Variants in PTPN22 observed in about 807,000 individuals in gnomAD.
PTPN22 encodes protein tyrosine phosphatase non-receptor type 22, also known as tyrosine-protein phosphatase non-receptor type 22.
A neutral mutation model predicts 103.3 loss-of-function variants in PTPN22; 85 were observed. The ratio of observed to expected loss-of-function variants is 0.82; its 90% CI spans 0.69 to 0.99. PTPN22 has a LOEUF of 0.99. Ranked by LOEUF, PTPN22 falls within the 50% of genes least tolerant of loss-of-function variation. The pLI, the probability that PTPN22 is intolerant of heterozygous loss-of-function variation, is 0.00. For synonymous variants in PTPN22, 323 were observed against 310.2 expected, an observed-to-expected ratio of 1.04 and a Z score of -0.43; for missense variants, 865 against 936.9, an observed-to-expected ratio of 0.92 and a Z score of 1.00.
At chr1:113,835,658 CTA>C (rs768789268) in intron 13 of PTPN22, among the ~76,000 whole-genome samples, 1 of 152,058 alleles carries the variant, frequency 6.6e-6, no homozygotes, top group Non-Finnish European at 1.5e-5. Context: ...TTTACATAGA[CTA>C]TATAATAAAA....
At chr1:113,871,433 T>C in intron 1 of PTPN22, 104 bp downstream of exon 1, 1 of 883,826 alleles carries the variant, frequency 1.1e-6, no homozygotes, top group South Asian at 1.6e-5. Context: ...CAAGGTCTCA[T>C]ATTTACTTTA....
intron 9 of PTPN22, among the ~76,000 whole-genome samples, chr1:113,853,480 A>G (rs1664752653): frequency 6.7e-6 from 1 of 148,502 alleles, no homozygotes; most frequent in Admixed American, 6.8e-5. Flanking sequence ...CCTCCCGAGT[A>G]GCTGGTATTA....
In PTPN22 at chr1:113,827,075, TGATA is replaced by T. The variant is rs1662147364; in HGVS notation, c.2251-1907_2251-1904del. ...TCTGCTTCAGGCATTTTATTCTTCT[TGATA>T]ATTTTCATGTTTCTCAAAGGTGTTC... On this transcript the variant is annotated intron_variant, in intron 18 of 20. Coordinates refer to ENST00000359785, the Ensembl canonical transcript of PTPN22. Among the ~76,000 whole-genome samples the T allele has an allele frequency of 1.3e-5, 2 of 152,222 alleles. 1 individual carries two copies. Among genetic ancestry groups the T allele is most frequent in the South Asian group, 4.1e-4 (2 of 4,832 alleles).
chr1:113,833,981 A>G (rs1443202037), intron 15 of PTPN22, among the ~76,000 whole-genome samples: 1 of 152,162 alleles, frequency 6.6e-6, no homozygotes, highest in African/African-American at 2.4e-5. Context: ...CTTTCACTAA[A>G]TCTTCCTTGA....
intron 2 of PTPN22, 129 bp downstream of exon 2, chr1:113,859,223 C>T: frequency 6.5e-7 from 1 of 1,550,100 alleles, no homozygotes; most frequent in South Asian, 1.2e-5. Context: ...CTTTTGCAGT[C>T]ATAAATAGTA....
At chr1:113,868,030 A>G (rs1351472724) in intron 1 of PTPN22, among the ~76,000 whole-genome samples, 1 of 152,228 alleles carries the variant, frequency 6.6e-6, no homozygotes, top group Non-Finnish European at 1.5e-5. Flanking sequence ...TACAATGTAA[A>G]TGCTAGATAA....
chr1:113,853,341 T>C (rs1369681990), intron 9 of PTPN22, among the ~76,000 whole-genome samples: 1 of 150,906 alleles, frequency 6.6e-6, no homozygotes, highest in African/African-American at 2.4e-5. Context: ...TTTTAAATTT[T>C]CTTTTTCTTT....
At chr1:113,821,127 G>T (rs1251713366) in intron 19 of PTPN22, among the ~76,000 whole-genome samples, 1 of 152,090 alleles carries the variant, frequency 6.6e-6, no homozygotes, top group African/African-American at 2.4e-5. Flanking sequence ...AAGTTCAGGA[G>T]ATATCAGTAA....
intron 1 of PTPN22, among the ~76,000 whole-genome samples, chr1:113,865,218 G>C (rs1666022144): frequency 6.6e-6 from 1 of 152,094 alleles, no homozygotes; most frequent in African/African-American, 2.4e-5. Flanking sequence ...ACGTATATAA[G>C]GAAATGCAGA....
chr1:113,819,475 C>T, intron 20 of PTPN22, 102 bp downstream of exon 20: 1 of 755,472 alleles, frequency 1.3e-6, no homozygotes, highest in Non-Finnish European at 2.1e-6. Flanking sequence ...ACATAAGGAC[C>T]TATACATGCA....
intron 19 of PTPN22, 123 bp downstream of exon 19, chr1:113,825,019 A>G: frequency 1.9e-6 from 1 of 521,034 alleles, no homozygotes; most frequent in Non-Finnish European, 3.3e-6. Context: ...TCTGATTCAT[A>G]GGACCCTATG....
At chr1:113,855,073 G>A (rs1664926688) in intron 7 of PTPN22, 24 bp from the exon 8 acceptor site, 1 of 1,587,268 alleles carries the variant, frequency 6.3e-7, no homozygotes, top group East Asian at 2.2e-5. Flanking sequence ...CCAGATGGGA[G>A]GGGAAGAGGG....
At chr1:113,842,820 G>A (rs1663674011) in intron 11 of PTPN22, among the ~76,000 whole-genome samples, 1 of 151,522 alleles carries the variant, frequency 6.6e-6, no homozygotes, top group Non-Finnish European at 1.5e-5. Flanking sequence ...AAAACTAAAC[G>A]GCCGGGCGCG....
At chr1:113,854,512 T>C in exon 9 of PTPN22, 1 of 1,613,902 alleles carries the variant, frequency 6.2e-7, no homozygotes, top group South Asian at 1.1e-5. Flanking sequence ...ATAGCACAAA[T>C]AACACCAGTC....
chr1:113,842,141 T>C (rs1018024845), intron 11 of PTPN22, among the ~76,000 whole-genome samples: 1 of 152,004 alleles, frequency 6.6e-6, no homozygotes, highest in African/African-American at 2.4e-5. Flanking sequence ...GCCCAAGAGT[T>C]TGAGGCTTCA....
chr1:113,850,422 C>T (rs1246775508), intron 10 of PTPN22, among the ~76,000 whole-genome samples: 6 of 152,234 alleles, frequency 3.9e-5, no homozygotes, highest in African/African-American at 1.4e-4. Context: ...GCTTTTTCAG[C>T]GTCTTCCAAC....
chr1:113,835,247 G>A (rs965209311), intron 13 of PTPN22, among the ~76,000 whole-genome samples: 7 of 152,140 alleles, frequency 4.6e-5, no homozygotes, highest in East Asian at 1.9e-4. Flanking sequence ...GGCTGGGCGC[G>A]GTGGCTCACG....
chr1:113,868,671 A>G (rs1666316729), intron 1 of PTPN22, among the ~76,000 whole-genome samples: 1 of 152,120 alleles, frequency 6.6e-6, no homozygotes, highest in South Asian at 2.1e-4. Context: ...AAAAGCAAGG[A>G]AGTGATTAAT....
chr1:113,818,407 C>T (rs1302340063), intron 20 of PTPN22, among the ~76,000 whole-genome samples: 1 of 152,060 alleles, frequency 6.6e-6, no homozygotes, highest in African/African-American at 2.4e-5. Context: ...TCATGATCCG[C>T]CCGCCTCAGC....
Sources: allele counts gnomAD v4.1 joint callset (sites outside exome capture counted in the v4.1 genomes callset), GRCh38; gene constraint gnomAD v4.1.1; transcripts MANE v1.5; gene names NCBI Gene and HGNC (gene_info 2026-07-23, HGNC 2026-07-21).